SFMBT2: variants seen among roughly 807,000 people sequenced by gnomAD.
SFMBT2 encodes the protein Scm like with four mbt domains 2.
A neutral mutation model predicts 110.1 loss-of-function variants in SFMBT2; 38 were observed. That is an observed-to-expected ratio of 0.35 (90% CI 0.27 to 0.45). SFMBT2 has a LOEUF of 0.45. SFMBT2 is among the 20% of genes least tolerant of loss of function. SFMBT2 has a pLI of 1.00. For missense variants in SFMBT2, 1,011 were observed against 1,094.9 expected (o/e 0.92, Z 1.08); for synonymous variants, 425 against 425.4 (o/e 1.00, Z 0.01).
chr10:7,397,639 T>G (rs570562172), intron 1 of SFMBT2, among the ~76,000 whole-genome samples: 1 of 152,330 alleles, frequency 6.6e-6, no homozygotes, highest in East Asian at 1.9e-4. Context: ...CACCAAATTT[T>G]GAGCCGAATC....
chr10:7,298,658 TGTATGTGC>T (rs1355335811), intron 4 of SFMBT2, among the ~76,000 whole-genome samples: 1 of 152,202 alleles, frequency 6.6e-6, no homozygotes, highest in African/African-American at 2.4e-5. Context: ...TATGTGTGTA[TGTATGTGC>T]GTATGTGCAT....
chr10:7,171,889 C>G lies in SFMBT2; in HGVS notation c.2415+6G>C. On this transcript the variant is annotated splice_donor_region_variant and intron_variant, in intron 19 of 20. Coordinates refer to ENST00000397167, the MANE Select transcript of SFMBT2 (RefSeq NM_001387889.1). This position sits in a 1 kb window ranked among gnomAD's most constrained non-coding sequence, Gnocchi z 4.9. ...GAAGCCCTCTGTCCCCACGCCCGGG[C>G]ATCACCTCTGTCCCCTCGGGCTTGG... The G allele has an allele frequency of 7.1e-7, 1 of 1,415,824 alleles. No individual in the cohort carries two copies. Among genetic ancestry groups the G allele is most frequent in the Non-Finnish European group, 9.2e-7 (1 of 1,087,708 alleles). The allele number at this position is 1,415,824 out of a possible 1,614,324, so 87.7% of individuals were successfully genotyped here. A position where few individuals can be genotyped will look rare whatever the true frequency, so the allele number is the denominator to read the frequency against.
At position 7,294,187 on chromosome 10, in the gene SFMBT2, G is replaced by A. The variant is rs1036918123; in HGVS notation, c.437-8233C>T. 2.6e-5 allele frequency among the ~76,000 whole-genome samples: 4 copies of A among 152,198 alleles called. No homozygotes were observed. The East Asian group carries it at 7.7e-4, about 29-fold the overall frequency. On this transcript the variant is annotated intron_variant, in intron 4 of 20. Transcript: ENST00000397167. ...CCCTAATATCATGGCTGTTTTCTAT[G>A]CTTACAAGAAAGGAAACCCACAAAA... is the stretch of plus-strand genomic sequence containing the variant.
chr10:7,183,572 T>C (rs954785204), intron 16 of SFMBT2, among the ~76,000 whole-genome samples: 1 of 152,168 alleles, frequency 6.6e-6, no homozygotes, highest in Non-Finnish European at 1.5e-5. Flanking sequence ...ATAGAAACTT[T>C]AGAGAAATGG....
chr10:7,197,416 G>T, intron 15 of SFMBT2, 132 bp downstream of exon 15: 1 of 1,229,058 alleles, frequency 8.1e-7, no homozygotes, highest in Non-Finnish European at 1.1e-6. Context: ...CCCACAGGAT[G>T]GAGAGAACGG....
At chr10:7,231,839 G>A (rs1167187266) in intron 9 of SFMBT2, among the ~76,000 whole-genome samples, 1 of 152,164 alleles carries the variant, frequency 6.6e-6, no homozygotes, top group Non-Finnish European at 1.5e-5. Flanking sequence ...ATAATGAGCT[G>A]TCTTTGTAAG....
At chr10:7,307,317 T>C (rs1181939904) in intron 4 of SFMBT2, among the ~76,000 whole-genome samples, 1 of 152,200 alleles carries the variant, frequency 6.6e-6, no homozygotes, top group African/African-American at 2.4e-5. Context: ...CCAACAGATT[T>C]CTTTTGTAGA....
chr10:7,202,670 T>C, intron 12 of SFMBT2, 148 bp from the exon 13 acceptor site: 1 of 1,519,914 alleles, frequency 6.6e-7, no homozygotes, highest in African/African-American at 1.4e-5. Flanking sequence ...CACAATTTCC[T>C]ATCAGTTTCT....
chr10:7,315,007 G>T (rs1042224586), intron 4 of SFMBT2, among the ~76,000 whole-genome samples: 1 of 135,102 alleles, frequency 7.4e-6, no homozygotes, highest in African/African-American at 2.8e-5. Flanking sequence ...AGAAAAGAAA[G>T]AAAGAAAGAA....
At chr10:7,230,574 G>A (rs1352013379) in intron 9 of SFMBT2, among the ~76,000 whole-genome samples, 1 of 152,094 alleles carries the variant, frequency 6.6e-6, no homozygotes, top group East Asian at 1.9e-4. Context: ...GTAATGGGAG[G>A]GAGCCAGGAA....
chr10:7,240,173 C>T (rs1840386698), intron 9 of SFMBT2, among the ~76,000 whole-genome samples: 1 of 152,100 alleles, frequency 6.6e-6, no homozygotes, highest in African/African-American at 2.4e-5. Context: ...CCCTCATACC[C>T]CAAAAACACT....
In SFMBT2 at chr10:7,176,026, G is replaced by C. The variant is rs369872773; in HGVS notation, c.1948C>G (p.Pro650Ala). 2.5e-6 allele frequency: 4 copies of C among 1,614,030 alleles called. No individual in the cohort carries two copies. In the African/African-American group the frequency reaches 4.0e-5, roughly 16 times the overall value. The change falls in exon 17 of 21, where the codon CCA becomes GCA. Residue 650 changes from proline (P) to alanine (A), a missense_variant. Transcript: ENST00000397167. ...FSPVLISENC[P>A]ENCSIHTKTK... ...TTGGTATGAATGGAGCAGTTCTCTGGGCAGTTTTCAGATATCAGCACAGGA... is the reference window on the plus strand; with the variant it reads ...TTGGTATGAATGGAGCAGTTCTCTGCGCAGTTTTCAGATATCAGCACAGGA...
intron 1 of SFMBT2, among the ~76,000 whole-genome samples, chr10:7,400,247 A>C (rs1564476298): frequency 6.6e-6 from 1 of 152,228 alleles, no homozygotes; most frequent in Non-Finnish European, 1.5e-5. Flanking sequence ...AGAGGGAAAG[A>C]GGATGTTCTG....
intron 12 of SFMBT2, chr10:7,205,459 A>G (rs1839098536): frequency 1.0e-6 from 1 of 985,182 alleles, no homozygotes; most frequent in Admixed American, 6.2e-5. Context: ...GAGAAGCTAC[A>G]TGAGAAAAAT....
At chr10:7,286,271 G>T in intron 4 of SFMBT2, 1 of 241,412 alleles carries the variant, frequency 4.1e-6, no homozygotes, top group Non-Finnish European at 6.7e-6. Context: ...GAGGTTCCAA[G>T]GAGAGAGAAA....
chr10:7,330,708 T>A (rs1217580745), intron 4 of SFMBT2, among the ~76,000 whole-genome samples: 1 of 152,112 alleles, frequency 6.6e-6, no homozygotes, highest in Non-Finnish European at 1.5e-5. Context: ...CTATCCCCCA[T>A]CACTCCCTCT....
intron 10 of SFMBT2, among the ~76,000 whole-genome samples, chr10:7,223,740 T>C (rs997456744): frequency 1.3e-5 from 2 of 152,238 alleles, no homozygotes; most frequent in African/African-American, 4.8e-5. Flanking sequence ...TTCCTTTATA[T>C]CTACAGTTCT....
chr10:7,359,838 C>A (rs918235673), intron 4 of SFMBT2, among the ~76,000 whole-genome samples: 3 of 152,098 alleles, frequency 2.0e-5, no homozygotes, highest in African/African-American at 7.2e-5. Context: ...TCAGTCTGAC[C>A]ATTTTAATCT....
In SFMBT2 at chr10:7,185,350, G is replaced by A. The variant is rs192112145; in HGVS notation, c.1808+3274C>T. Among the ~76,000 whole-genome samples the A allele has an allele frequency of 1.5e-4, 23 of 152,292 alleles. No homozygotes were observed. The East Asian group carries it at 2.9e-3, about 19-fold the overall frequency. ...CAAATGAACAAACAAAACCTTTTCC[G>A]GTGAAGTCTCTCAGTTAGGGAATCC... On this transcript the variant is annotated intron_variant, in intron 16 of 20. Coordinates refer to ENST00000397167, the MANE Select transcript of SFMBT2 (RefSeq NM_001387889.1).
Sources: gnomAD v4.1 joint callset for allele counts (sites outside exome capture counted in the v4.1 genomes callset) on GRCh38, gnomAD v4.1.1 for gene constraint, Gnocchi (gnomAD v3.1) non-coding constraint, MANE v1.5 for transcripts, NCBI Gene and HGNC (gene_info 2026-07-23, HGNC 2026-07-21) for gene names.